The following FAM13A variants were observed in gnomAD, a reference collection of about 807,000 sequenced individuals.
FAM13A encodes the protein protein FAM13A.
A neutral mutation model predicts 129.6 loss-of-function variants in FAM13A; 76 were observed. That is an observed-to-expected ratio of 0.59 (90% CI 0.49 to 0.71). FAM13A has a LOEUF of 0.71. Among genes scored for constraint, FAM13A ranks in the 30% least tolerant of loss-of-function variants. The pLI, the probability that FAM13A is intolerant of heterozygous loss-of-function variation, is 0.00. For synonymous variants in FAM13A, 443 were observed against 449.9 expected, an observed-to-expected ratio of 0.98 and a Z score of 0.20; for missense variants, 1,108 against 1,249.3, an observed-to-expected ratio of 0.89 and a Z score of 1.70.
At chr4:88,791,285 T>C (rs1331902409) in intron 8 of FAM13A, among the ~76,000 whole-genome samples, 1 of 152,174 alleles carries the variant, frequency 6.6e-6, no homozygotes, top group Non-Finnish European at 1.5e-5. Context: ...TTTCATGATT[T>C]TCCCATTTTT....
intron 6 of FAM13A, among the ~76,000 whole-genome samples, chr4:88,889,026 C>A (rs541338301): frequency 6.6e-6 from 1 of 151,890 alleles, no homozygotes; most frequent in African/African-American, 2.4e-5. Flanking sequence ...ACTCCCTATA[C>A]CCACTCCCAG....
At chr4:88,874,500 G>A (rs1285877243) in intron 6 of FAM13A, among the ~76,000 whole-genome samples, 4 of 149,794 alleles carry the variant, frequency 2.7e-5, no homozygotes, top group Non-Finnish European at 6.0e-5. Flanking sequence ...CCAATAACAG[G>A]CAAACAGAGA....
In FAM13A at chr4:88,901,563, C is replaced by T. The variant is rs188352207; in HGVS notation, c.843+4816G>A. On this transcript the variant is annotated intron_variant, in intron 6 of 23. Transcript: ENST00000264344. ...ACTTGGGTAAATAATGAAATTAAGG[C>T]AGAAATCATTAAGTTCTTTGAAACT... Among the ~76,000 whole-genome samples the T allele has an allele frequency of 3.3e-5, 5 of 152,184 alleles. No homozygotes were observed. The East Asian group carries it at 9.7e-4, about 29-fold the overall frequency.
At chr4:89,016,355 AAAAGTTAT>A (rs1228937583) in intron 3 of FAM13A, among the ~76,000 whole-genome samples, 1 of 152,212 alleles carries the variant, frequency 6.6e-6, no homozygotes, top group Non-Finnish European at 1.5e-5. Flanking sequence ...TTAAAAGTTA[AAAAGTTAT>A]AAAGTAAAAA....
chr4:89,054,115 C>A (rs138218897), intron 1 of FAM13A, among the ~76,000 whole-genome samples: 104 of 152,156 alleles, frequency 6.8e-4, no homozygotes, highest in Non-Finnish European at 1.4e-3. Flanking sequence ...TTTGAGCCTA[C>A]AACAGTATCA....
intron 4 of FAM13A, chr4:88,990,421 G>A (rs17818123): frequency 0.027 from 4,185 of 152,186 alleles, 77 homozygotes; most frequent in Non-Finnish European, 0.042. Flanking sequence ...CACATTTCAC[G>A]TATCAAAAAT....
At chr4:88,824,642 G>T (rs1732648942) in intron 7 of FAM13A, among the ~76,000 whole-genome samples, 3 of 152,038 alleles carry the variant, frequency 2.0e-5, no homozygotes. Context: ...ACATAACTTA[G>T]TTCCATATAT....
At chr4:89,003,976 G>A (rs1291695318) in intron 3 of FAM13A, among the ~76,000 whole-genome samples, 2 of 152,098 alleles carry the variant, frequency 1.3e-5, no homozygotes, top group Admixed American at 1.3e-4. Flanking sequence ...GGTATGGTAG[G>A]GATCTGCCGG....
chr4:88,771,733 A>G (rs911494254), intron 11 of FAM13A, among the ~76,000 whole-genome samples: 5 of 152,212 alleles, frequency 3.3e-5, no homozygotes, highest in African/African-American at 9.6e-5. Flanking sequence ...TATTGCAATT[A>G]TTTCCAACCA....
At chr4:88,731,825 C>CAT in intron 22 of FAM13A, 177 bp downstream of exon 22, 1 of 557,466 alleles carries the variant, frequency 1.8e-6, no homozygotes. Context: ...CCTCAAATAA[C>CAT]ATGGGCTGAA....
Position 88,830,706 on chromosome 4 carries a change from A to C in FAM13A, c.1007+20314T>G, listed in dbSNP as rs190236563. Among the ~76,000 whole-genome samples the C allele has an allele frequency of 6.0e-3, 909 of 152,242 alleles. 9 individuals carry two copies. The highest frequency in any genetic ancestry group is 0.021 in the African/African-American group (862 of 41,530). On this transcript the variant is annotated intron_variant, in intron 7 of 23. Transcript: ENST00000264344. ...GGCTTGCTGGACTCCCAAATGGCTC[A>C]CAGTGTTCATTCATTTGGATTCTAA...
At chr4:88,924,167 T>C (rs1466149104) in intron 5 of FAM13A, among the ~76,000 whole-genome samples, 2 of 152,194 alleles carry the variant, frequency 1.3e-5, no homozygotes, top group African/African-American at 4.8e-5. Context: ...CCCATCAAGC[T>C]ACCAATGACT....
At position 88,739,006 on chromosome 4, in the gene FAM13A, G is replaced by A. The variant is rs370289351; in HGVS notation, c.2562+24C>T. ...ATTCAAGCGGAAAGGTGTTGTACCA[G>A]CCACGGGAAGGTATTCTACTCACAA... On this transcript the variant is annotated intron_variant, in intron 20 of 23. Coordinates refer to ENST00000264344, the MANE Select transcript of FAM13A (RefSeq NM_014883.4). The A allele has an allele frequency of 6.8e-6, 10 of 1,478,236 alleles. No homozygotes were observed. In the East Asian group the frequency reaches 2.3e-4, roughly 33 times the overall value. The allele number at this position is 1,478,236 out of a possible 1,614,324, so 91.6% of individuals were successfully genotyped here.
At chr4:88,926,650 T>C (rs138065126) in intron 5 of FAM13A, among the ~76,000 whole-genome samples, 49 of 152,306 alleles carry the variant, frequency 3.2e-4, no homozygotes, top group African/African-American at 1.1e-3. Context: ...AATCGCTCTA[T>C]AAAACAAAAT....
At chr4:89,014,252 G>T (rs1352509943) in intron 3 of FAM13A, among the ~76,000 whole-genome samples, 1 of 152,170 alleles carries the variant, frequency 6.6e-6, no homozygotes, top group Admixed American at 6.5e-5. Flanking sequence ...TGAACTATGT[G>T]GTGGGAAGAG....
intron 5 of FAM13A, among the ~76,000 whole-genome samples, chr4:88,924,020 A>C (rs1341929248): frequency 2.6e-5 from 4 of 152,214 alleles, no homozygotes; most frequent in Non-Finnish European, 5.9e-5. Flanking sequence ...CTCTTCAAAG[A>C]GAACTACAAA....
At chr4:88,923,331 GC>G (rs1274196915) in intron 5 of FAM13A, among the ~76,000 whole-genome samples, 1 of 152,194 alleles carries the variant, frequency 6.6e-6, no homozygotes, top group Non-Finnish European at 1.5e-5. Context: ...GAATTCAGCA[GC>G]ACATCAAAAA....
At chr4:88,823,375 CCTCTTCCTCCTCCTCCTT>C in intron 7 of FAM13A, 1 of 983,352 alleles carries the variant, frequency 1.0e-6, no homozygotes, top group Admixed American at 5.4e-5. Context: ...CCCTCCTCCT[CCTCTTCCTCCTCCTCCTT>C]CTCTCCTCCT....
At chr4:88,983,289 AGT>A (rs1372345019) in intron 4 of FAM13A, among the ~76,000 whole-genome samples, 1 of 152,144 alleles carries the variant, frequency 6.6e-6, no homozygotes, top group Non-Finnish European at 1.5e-5. Flanking sequence ...GGAAAATTAG[AGT>A]TTTAAGTGTG....
Sources: allele counts gnomAD v4.1 joint callset (sites outside exome capture counted in the v4.1 genomes callset), GRCh38; gene constraint gnomAD v4.1.1; transcripts MANE v1.5; gene names NCBI Gene and HGNC (gene_info 2026-07-23, HGNC 2026-07-21).